Variants in CCDC15 observed in about 807,000 individuals in gnomAD.
CCDC15 encodes the protein coiled-coil domain-containing protein 15.
A neutral mutation model predicts 114.5 loss-of-function variants in CCDC15; 105 were observed. The observed-to-expected ratio is 0.92, with a 90% CI of 0.78 to 1.08. CCDC15 has a LOEUF of 1.08. CCDC15 is among the 50% of genes least tolerant of loss of function. The pLI is 0.00. For synonymous variants in CCDC15, 334 were observed against 377.8 expected, an observed-to-expected ratio of 0.88 and a Z score of 1.34; for missense variants, 1,105 against 1,093.6, an observed-to-expected ratio of 1.01 and a Z score of -0.15.
At chr11:124,968,926 A>G (rs1335402151) in intron 4 of CCDC15, among the ~76,000 whole-genome samples, 5 of 151,886 alleles carry the variant, frequency 3.3e-5, no homozygotes, top group African/African-American at 7.3e-5. Context: ...TATTGCAACT[A>G]TTTTTTCAAC....
At chr11:125,017,332 G>A (rs1398375571) in intron 13 of CCDC15, among the ~76,000 whole-genome samples, 1 of 152,140 alleles carries the variant, frequency 6.6e-6, no homozygotes. Flanking sequence ...ACTAACCAGT[G>A]GGGAAGCAGA....
chr11:125,007,753 T>G (rs1948562522), intron 13 of CCDC15, among the ~76,000 whole-genome samples: 1 of 152,168 alleles, frequency 6.6e-6, no homozygotes, highest in Non-Finnish European at 1.5e-5. Context: ...TGTTACTTTT[T>G]GTTGTTTTGA....
intron 6 of CCDC15, among the ~76,000 whole-genome samples, chr11:124,979,805 T>C (rs1043316121): frequency 2.0e-5 from 3 of 152,202 alleles, no homozygotes; most frequent in African/African-American, 7.2e-5. Flanking sequence ...TAGTACCATG[T>C]TGAATAGGAA....
intron 8 of CCDC15, among the ~76,000 whole-genome samples, chr11:124,991,106 G>GA (rs1363241960): frequency 6.6e-6 from 1 of 152,228 alleles, no homozygotes; most frequent in Non-Finnish European, 1.5e-5. Flanking sequence ...AAGCAAGTCT[G>GA]AAGCAGCCAA....
chr11:124,988,593 A>G (rs1948215619), intron 8 of CCDC15, among the ~76,000 whole-genome samples: 1 of 152,142 alleles, frequency 6.6e-6, no homozygotes, highest in African/African-American at 2.4e-5. Context: ...CTTTCACGAA[A>G]CATTTCTCTG....
intron 13 of CCDC15, among the ~76,000 whole-genome samples, chr11:125,034,956 A>T (rs1948766395): frequency 6.6e-6 from 1 of 152,116 alleles, no homozygotes; most frequent in African/African-American, 2.4e-5. Context: ...TTTATTAAGG[A>T]GTATTAATTC....
intron 13 of CCDC15, among the ~76,000 whole-genome samples, chr11:125,015,827 G>A (rs1312121118): frequency 6.6e-6 from 1 of 152,156 alleles, no homozygotes; most frequent in Non-Finnish European, 1.5e-5. Context: ...AAAGCCTCAA[G>A]TGAAATATTG....
intron 15 of CCDC15, chr11:125,039,416 T>A: frequency 5.2e-6 from 1 of 192,506 alleles, no homozygotes; most frequent in African/African-American, 2.3e-5. Flanking sequence ...AATACTTTAA[T>A]GGTATGTAAC....
chr11:124,957,027 G>A (rs746489160), intron 2 of CCDC15, among the ~76,000 whole-genome samples: 2 of 152,182 alleles, frequency 1.3e-5, no homozygotes, highest in Non-Finnish European at 2.9e-5. Context: ...AGACACTGCT[G>A]TTCTATCATC....
chr11:124,965,680 T>C (rs889168662), intron 4 of CCDC15, among the ~76,000 whole-genome samples: 3 of 152,212 alleles, frequency 2.0e-5, no homozygotes, highest in South Asian at 2.1e-4. Flanking sequence ...TGCCTTCTGC[T>C]AGCTTTTGAA....
intron 7 of CCDC15, 99 bp from the exon 8 acceptor site, chr11:124,987,028 C>T: frequency 7.4e-7 from 1 of 1,356,264 alleles, no homozygotes; most frequent in Non-Finnish European, 9.7e-7. Flanking sequence ...TAGTAATTTG[C>T]TTCACTGCCA....
At chr11:124,985,187 A>C (rs1044176870) in intron 6 of CCDC15, among the ~76,000 whole-genome samples, 3 of 152,058 alleles carry the variant, frequency 2.0e-5, no homozygotes, top group Admixed American at 2.0e-4. Context: ...TCAGTACTTC[A>C]TTCTTTTTAT....
intron 4 of CCDC15, among the ~76,000 whole-genome samples, chr11:124,971,012 A>G (rs534073314): frequency 2.7e-3 from 411 of 152,278 alleles, no homozygotes; most frequent in Non-Finnish European, 4.5e-3. Context: ...TTTATTTGAC[A>G]TATTACTACA....
At chr11:124,983,965 A>T (rs544322291) in intron 6 of CCDC15, among the ~76,000 whole-genome samples, 1 of 152,116 alleles carries the variant, frequency 6.6e-6, no homozygotes, top group Non-Finnish European at 1.5e-5. Context: ...ACTCACAGGC[A>T]TGGGGCTGGT....
intron 14 of CCDC15, 91 bp from the exon 15 acceptor site, chr11:125,038,830 A>T: frequency 7.0e-7 from 1 of 1,421,268 alleles, no homozygotes; most frequent in Non-Finnish European, 9.7e-7. Context: ...TACGGAATAG[A>T]TTTAACAGTT....
intron 12 of CCDC15, among the ~76,000 whole-genome samples, chr11:125,004,857 A>C (rs1466473778): frequency 6.6e-6 from 1 of 152,112 alleles, no homozygotes; most frequent in Non-Finnish European, 1.5e-5. Context: ...ATTTCAGAGT[A>C]ACAGAGTAAA....
At chr11:125,034,438 C>G (rs1948761884) in intron 13 of CCDC15, among the ~76,000 whole-genome samples, 1 of 152,196 alleles carries the variant, frequency 6.6e-6, no homozygotes, top group Non-Finnish European at 1.5e-5. Flanking sequence ...ACAGCTTCAT[C>G]TCTTTCTCTT....
intron 15 of CCDC15, 99 bp from the exon 16 acceptor site, chr11:125,040,491 G>C (rs1948808298): frequency 6.4e-6 from 7 of 1,085,900 alleles, no homozygotes; most frequent in Admixed American, 2.7e-5. Flanking sequence ...ATAGTTACTT[G>C]TAAGACTCTT....
chr11:124,974,593 T>C (rs1009700255), intron 4 of CCDC15, among the ~76,000 whole-genome samples: 1 of 152,150 alleles, frequency 6.6e-6, no homozygotes, highest in Non-Finnish European at 1.5e-5. Flanking sequence ...TTTAAGTAGC[T>C]ATGGTCTTCA....
Sources: allele counts gnomAD v4.1 joint callset (sites outside exome capture counted in the v4.1 genomes callset), GRCh38; gene constraint gnomAD v4.1.1; transcripts MANE v1.5; gene names NCBI Gene and HGNC (gene_info 2026-07-23, HGNC 2026-07-21).